U2SURP: variants seen among roughly 807,000 people sequenced by gnomAD.
U2SURP encodes the protein U2 snRNP associated SURP domain containing, also known as U2 snRNP-associated SURP motif-containing protein.
U2SURP carries 9 observed loss-of-function variants against 144.9 expected under a neutral mutation model. The observed-to-expected ratio is 0.06, with a 90% CI of 0.04 to 0.11. The LOEUF (loss-of-function observed/expected upper bound fraction) is 0.11. Among genes scored for constraint, U2SURP ranks in the 10% least tolerant of loss-of-function variants. The probability of loss-of-function intolerance (pLI) is 1.00; values close to 1 mark genes in which losing one functional copy is unlikely to be tolerated. For missense variants in U2SURP, 724 were observed against 1,226.7 expected, an observed-to-expected ratio of 0.59 and a Z score of 6.12; for synonymous variants, 408 against 396.8, an observed-to-expected ratio of 1.03 and a Z score of -0.33.
intron 3 of U2SURP, among the ~76,000 whole-genome samples, chr3:143,013,473 C>G (rs1936213807): frequency 6.6e-6 from 1 of 152,014 alleles, no homozygotes. Flanking sequence ...TATTTAATGA[C>G]TAGGGAATTT....
chr3:143,054,035 T>A (rs1935021669), intron 26 of U2SURP, among the ~76,000 whole-genome samples: 1 of 152,204 alleles, frequency 6.6e-6, no homozygotes, highest in Non-Finnish European at 1.5e-5. Flanking sequence ...CTTAGTTCAG[T>A]GCAAGGATTC....
chr3:143,032,667 A>C, intron 16 of U2SURP, 117 bp from the exon 17 acceptor site: 1 of 875,114 alleles, frequency 1.1e-6, no homozygotes, highest in Non-Finnish European at 1.7e-6. Flanking sequence ...AATGTATTAC[A>C]GTCTTCAGAA....
chr3:143,051,086 GA>G, intron 25 of U2SURP, 37 bp downstream of exon 25: 1 of 1,312,722 alleles, frequency 7.6e-7, no homozygotes, highest in Non-Finnish European at 1.1e-6. Flanking sequence ...CACATATTTT[GA>G]AGTTATTTAT....
intron 24 of U2SURP, 128 bp downstream of exon 24, chr3:143,043,404 CAGATGA>C: frequency 1.0e-6 from 1 of 1,001,572 alleles, no homozygotes; most frequent in Admixed American, 3.1e-5. Flanking sequence ...CTCTTCATAC[CAGATGA>C]CTTTTCTTCA....
At chr3:143,020,737 A>G (rs1315422705) in intron 8 of U2SURP, 44 bp downstream of exon 8, 2 of 1,445,664 alleles carry the variant, frequency 1.4e-6, no homozygotes, top group Non-Finnish European at 9.7e-7. Flanking sequence ...GATTAATTAC[A>G]GTAGTTCCCA....
chr3:143,055,180 T>C, intron 27 of U2SURP, 61 bp downstream of exon 27: 3 of 1,410,590 alleles, frequency 2.1e-6, no homozygotes, highest in Non-Finnish European at 9.5e-7. Context: ...TTTCATCAGC[T>C]TTTGAAAATA....
intron 13 of U2SURP, among the ~76,000 whole-genome samples, chr3:143,025,142 T>C (rs1933057264): frequency 6.6e-6 from 1 of 152,174 alleles, no homozygotes; most frequent in African/African-American, 2.4e-5. Flanking sequence ...ATTTTAAAAA[T>C]ACTTATAAAC....
rs1933796305 is a variant in U2SURP at position 143,036,120 on chromosome 3, TTGTC to T, written c.2064+19_2064+22del. The T allele has an allele frequency of 6.3e-6, 10 of 1,577,564 alleles. No homozygotes were observed. Among genetic ancestry groups the T allele is most frequent in the Non-Finnish European group, 6.9e-6 (8 of 1,166,934 alleles). On this transcript the variant is annotated intron_variant, in intron 20 of 27. Coordinates refer to ENST00000473835, the MANE Select transcript of U2SURP (RefSeq NM_001080415.2). ...GGAAACAGAGGTAGGCAGTCTGTATTTGTCTGGTTGTTTTTAAAATTCGTTTCTG... is the reference window on the plus strand; with the variant it reads ...GGAAACAGAGGTAGGCAGTCTGTATTTGGTTGTTTTTAAAATTCGTTTCTG...
chr3:143,046,330 T>A (rs1274149875), intron 24 of U2SURP, among the ~76,000 whole-genome samples: 1 of 146,398 alleles, frequency 6.8e-6, no homozygotes, highest in African/African-American at 2.5e-5. Context: ...TATTTTTTAT[T>A]TTTTTTTTTA....
chr3:143,023,286 G>A lies in U2SURP; in HGVS notation c.1230+222G>A, dbSNP rs902047358. ...GCTACCATTCCTTTTTTGACCACTT[G>A]TTAAGTTTTTTTTCCTTTGTCCAGT... is the stretch of plus-strand genomic sequence containing the variant. On this transcript the variant is annotated intron_variant, in intron 12 of 27. Transcript: ENST00000473835. 9 of 461,328 alleles carry A rather than the reference G, an allele frequency of 2.0e-5. No individual in the cohort carries two copies. In the Admixed American group the frequency reaches 2.8e-4, roughly 14 times the overall value. The allele number at this position is 461,328 out of a possible 1,614,324, so 28.6% of individuals were successfully genotyped here.
intron 4 of U2SURP, among the ~76,000 whole-genome samples, chr3:143,015,460 G>T (rs1163562971): frequency 1.3e-5 from 2 of 151,856 alleles, no homozygotes; most frequent in Non-Finnish European, 2.9e-5. Flanking sequence ...AGCTTATAAA[G>T]AAATTTCCTC....
chr3:143,042,756 C>T (rs189757080), intron 23 of U2SURP, among the ~76,000 whole-genome samples: 3 of 152,240 alleles, frequency 2.0e-5, no homozygotes, highest in Admixed American at 6.5e-5. Flanking sequence ...GAACATAAAG[C>T]TTCTTGAAAT....
chr3:143,034,821 C>T, intron 18 of U2SURP, 67 bp from the exon 19 acceptor site: 2 of 1,027,842 alleles, frequency 1.9e-6, no homozygotes, highest in South Asian at 3.0e-5. Flanking sequence ...TTTTCATTGG[C>T]TGGCATGCTA....
At chr3:143,039,222 A>T (rs1052850519) in intron 23 of U2SURP, among the ~76,000 whole-genome samples, 1 of 151,708 alleles carries the variant, frequency 6.6e-6, no homozygotes, top group African/African-American at 2.4e-5. Context: ...GGTCAACTGC[A>T]TTTTTTTCAA....
intron 1 of U2SURP, among the ~76,000 whole-genome samples, chr3:143,003,269 C>G (rs1008907167): frequency 6.6e-6 from 1 of 152,176 alleles, no homozygotes; most frequent in African/African-American, 2.4e-5. Context: ...AGATTTCTTA[C>G]TGATGTCTGT....
chr3:143,025,746 C>G (rs1000611412), intron 13 of U2SURP: 1 of 151,968 alleles, frequency 6.6e-6, no homozygotes, highest in Non-Finnish European at 1.5e-5. Flanking sequence ...GCATGATTTC[C>G]CCTTTGTAAA....
rs1456165143 is a variant in U2SURP, at chr3:143,058,925, A to G, written c.*2475A>G. 1 of 151,854 alleles carries G rather than the reference A, an allele frequency of 6.6e-6. No homozygotes were observed. Among genetic ancestry groups the G allele is most frequent in the African/African-American group, 2.4e-5 (1 of 41,410 alleles). 9.4% of individuals were successfully genotyped at this position (151,854 alleles called of 1,614,324 possible). A position where few individuals can be genotyped will look rare whatever the true frequency, so the allele number is the denominator to read the frequency against. On this transcript the variant is annotated 3_prime_UTR_variant, in exon 28 of 28. Transcript: ENST00000473835. ...CAGAGTTGTTTTCCACAGTTCTTAT[A>G]AAGGGCATGACTTAGGCTCTTTACC...
rs1933724826 is a variant in U2SURP at position 143,034,888 on chromosome 3, T to C, written c.1854T>C (p.Phe618=). ...AAAGAATGTGTTATTTGAATTTCAG[T>C]TTTGAAACAAAGTTATGTCAGATAT... ...KVANASYYRK[F]FETKLCQIFS... The change falls in exon 19 of 28, where the codon TTT becomes TTC. Residue 618 remains phenylalanine (F), a splice_region_variant and synonymous_variant. Coordinates refer to ENST00000473835, the MANE Select transcript of U2SURP (RefSeq NM_001080415.2). 1 of 1,587,326 alleles carries C rather than the reference T, an allele frequency of 6.3e-7. No homozygotes were observed. Among genetic ancestry groups the C allele is most frequent in the African/African-American group, 1.3e-5 (1 of 74,456 alleles).
At chr3:143,021,616 T>C in intron 10 of U2SURP, 61 bp downstream of exon 10, 1 of 1,482,424 alleles carries the variant, frequency 6.7e-7, no homozygotes, top group Non-Finnish European at 9.2e-7. Flanking sequence ...GAAAGCTTTG[T>C]TAGTCAAAAA....
Sources: gnomAD v4.1 joint callset for allele counts (sites outside exome capture counted in the v4.1 genomes callset) on GRCh38, gnomAD v4.1.1 for gene constraint, MANE v1.5 for transcripts, NCBI Gene and HGNC (gene_info 2026-07-23, HGNC 2026-07-21) for gene names.